LMBRD1: variants seen among roughly 807,000 people sequenced by gnomAD.
The protein encoded by LMBRD1 is LMBR1 domain containing 1.
Under a neutral mutation model 74.8 loss-of-function variants are expected in LMBRD1, and 64 were observed. The ratio of observed to expected loss-of-function variants is 0.86; its 90% CI spans 0.70 to 1.05. The LOEUF is 1.05. Ranked by LOEUF, LMBRD1 falls within the 50% of genes least tolerant of loss-of-function variation. LMBRD1 has a pLI of 0.00. For synonymous variants in LMBRD1, 204 were observed against 216.3 expected (o/e 0.94, Z 0.50); for missense variants, 652 against 645.9 (o/e 1.01, Z -0.10).
chr6:69,717,129 G>T (rs1005601023), intron 8 of LMBRD1, among the ~76,000 whole-genome samples: 4 of 151,678 alleles, frequency 2.6e-5, no homozygotes, highest in African/African-American at 9.7e-5. Context: ...ATTGTGAATG[G>T]GATTATTTTG....
At chr6:69,744,790 C>G (rs926798624) in intron 5 of LMBRD1, among the ~76,000 whole-genome samples, 4 of 152,150 alleles carry the variant, frequency 2.6e-5, no homozygotes, top group African/African-American at 9.7e-5. Flanking sequence ...TTACATACCA[C>G]TTCTCCAACC....
intron 6 of LMBRD1, among the ~76,000 whole-genome samples, chr6:69,740,140 A>G (rs1437143994): frequency 6.6e-6 from 1 of 152,090 alleles, no homozygotes; most frequent in South Asian, 2.1e-4. Context: ...AAAAGGTCAT[A>G]TACCCTTGAT....
In LMBRD1 at chr6:69,697,620, G is replaced by T; in HGVS notation, c.1360C>A (p.His454Asn). 6.3e-7 allele frequency: 1 copy of T among 1,597,102 alleles called. No individual in the cohort carries two copies. The change falls in exon 14 of 16, where the codon CAT becomes AAT. Residue 454 changes from histidine (H) to asparagine (N), a missense_variant. By Grantham distance (68) the His-to-Asn change is moderately conservative. Around this residue, in one of 3 missense-constraint regions of LMBRD1, gnomAD observed 598 missense variants for 581.8 expected, o/e 1.03. Transcript: ENST00000649934. ...ACAGAAAGGGTTGAATTGCCTTTATGATTATCAGAAGTTATATTAGTCTGA... is the reference window on the plus strand; with the variant it reads ...ACAGAAAGGGTTGAATTGCCTTTATTATTATCAGAAGTTATATTAGTCTGA... ...LIETNITSDN[H>N]KGNSTLSVPK...
At chr6:69,758,798 A>G (rs1765318184) in intron 3 of LMBRD1, among the ~76,000 whole-genome samples, 1 of 152,138 alleles carries the variant, frequency 6.6e-6, no homozygotes, top group Non-Finnish European at 1.5e-5. Context: ...GCCCTTGGTC[A>G]TCTTGTCTGT....
intron 7 of LMBRD1, among the ~76,000 whole-genome samples, chr6:69,729,743 A>T (rs1766815365): frequency 1.3e-5 from 2 of 152,058 alleles, no homozygotes; most frequent in Non-Finnish European, 2.9e-5. Context: ...CACTATTTTT[A>T]AATTTTTAAT....
At chr6:69,743,164 G>C (rs1767144249) in intron 5 of LMBRD1, among the ~76,000 whole-genome samples, 1 of 152,004 alleles carries the variant, frequency 6.6e-6, no homozygotes, top group African/African-American at 2.4e-5. Flanking sequence ...TCCTTTATTT[G>C]GACAGTTTGT....
At chr6:69,710,272 A>G (rs1387661797) in intron 9 of LMBRD1, among the ~76,000 whole-genome samples, 1 of 152,138 alleles carries the variant, frequency 6.6e-6, no homozygotes, top group South Asian at 2.1e-4. Flanking sequence ...TCTTGAAAAA[A>G]AAATTATGCT....
At position 69,679,147 on chromosome 6, in the gene LMBRD1, T is replaced by C. The variant is rs193236576; in HGVS notation, c.1418-2606A>G. On this transcript the variant is annotated intron_variant, in intron 14 of 15. Transcript: ENST00000649934. ...AAGGACTACCAATCTAATTCCTATCTATTGAGCCCCCAAAAGCTCCCTTCA... is the reference window on the plus strand; with the variant it reads ...AAGGACTACCAATCTAATTCCTATCCATTGAGCCCCCAAAAGCTCCCTTCA... Among the ~76,000 whole-genome samples, 7 of 152,096 alleles carry C rather than the reference T, an allele frequency of 4.6e-5. No individual in the cohort carries two copies. The East Asian group carries it at 1.4e-3, about 29-fold the overall frequency.
intron 3 of LMBRD1, among the ~76,000 whole-genome samples, 194 bp downstream of exon 3, chr6:69,780,300 G>A (rs942775950): frequency 2.6e-5 from 4 of 151,822 alleles, no homozygotes; most frequent in African/African-American, 7.3e-5. Flanking sequence ...CTCTGTACAG[G>A]GGAGCTTATT....
chr6:69,709,075 A>T (rs1766325276), intron 9 of LMBRD1, among the ~76,000 whole-genome samples: 1 of 152,154 alleles, frequency 6.6e-6, no homozygotes. Context: ...TCTCTACTAA[A>T]AATACAAAAT....
At chr6:69,726,147 C>A (rs542246260) in intron 7 of LMBRD1, among the ~76,000 whole-genome samples, 4 of 152,158 alleles carry the variant, frequency 2.6e-5, no homozygotes, top group African/African-American at 9.7e-5. Context: ...CATCACTGAT[C>A]ATCGGAGAAA....
chr6:69,791,085 G>A (rs1044002166), intron 1 of LMBRD1, among the ~76,000 whole-genome samples: 1 of 152,206 alleles, frequency 6.6e-6, no homozygotes, highest in Non-Finnish European at 1.5e-5. Context: ...AGAGGTAGAG[G>A]TTGACATCTC....
At position 69,790,933 on chromosome 6, in the gene LMBRD1, A is replaced by C. The variant is rs148749687; in HGVS notation, c.70-461T>G. On this transcript the variant is annotated intron_variant, in intron 1 of 15. Transcript: ENST00000649934. ...ACAGTTCAAGAATAGCATTGAGCTA[A>C]AGATTAACTGCCAGTAATCACCATG... Among the ~76,000 whole-genome samples, 21 of 152,362 alleles carry C rather than the reference A, an allele frequency of 1.4e-4. No homozygotes were observed. In the East Asian group the frequency reaches 3.7e-3, roughly 27 times the overall value.
intron 7 of LMBRD1, among the ~76,000 whole-genome samples, chr6:69,731,618 T>C (rs1766860233): frequency 6.6e-6 from 1 of 152,114 alleles, no homozygotes; most frequent in Non-Finnish European, 1.5e-5. Context: ...TGGTGTTAGA[T>C]AATTTTGTGC....
chr6:69,700,502 T>C (rs1461207326), intron 12 of LMBRD1, among the ~76,000 whole-genome samples: 2 of 151,818 alleles, frequency 1.3e-5, no homozygotes, highest in East Asian at 3.9e-4. Context: ...ACCCACTACA[T>C]GCCACTAGCA....
At chr6:69,762,139 G>A (rs536152923) in intron 3 of LMBRD1, among the ~76,000 whole-genome samples, 25 of 152,204 alleles carry the variant, frequency 1.6e-4, no homozygotes, top group Admixed American at 9.8e-4. Context: ...CATTGTATGC[G>A]CATACTGCAT....
intron 14 of LMBRD1, among the ~76,000 whole-genome samples, chr6:69,678,604 T>G (rs961412723): frequency 2.0e-5 from 3 of 152,128 alleles, no homozygotes; most frequent in African/African-American, 7.2e-5. Context: ...CAAAATAAAT[T>G]ATAATTTCTA....
At chr6:69,730,149 C>T (rs1015963413) in intron 7 of LMBRD1, among the ~76,000 whole-genome samples, 2 of 152,020 alleles carry the variant, frequency 1.3e-5, no homozygotes, top group South Asian at 4.1e-4. Flanking sequence ...GAATAAATCA[C>T]CAACTGTATT....
At chr6:69,785,328 A>T (rs561969891) in intron 2 of LMBRD1, among the ~76,000 whole-genome samples, 137 of 152,316 alleles carry the variant, frequency 9.0e-4, no homozygotes, top group Non-Finnish European at 1.6e-3. Context: ...GCTGCTAGTC[A>T]GTCCATAACT....
Sources: allele counts gnomAD v4.1 joint callset (sites outside exome capture counted in the v4.1 genomes callset), GRCh38; gene constraint gnomAD v4.1.1; regional missense constraint gnomAD v4.1.1; transcripts MANE v1.5; gene names NCBI Gene and HGNC (gene_info 2026-07-23, HGNC 2026-07-21).